The following MYO7B variants were observed in gnomAD, a reference collection of about 807,000 sequenced individuals.
MYO7B encodes the protein unconventional myosin-VIIb.
Under a neutral mutation model 259.7 loss-of-function variants are expected in MYO7B, and 212 were observed. That is an observed-to-expected ratio of 0.82 (90% CI 0.73 to 0.91). MYO7B has a LOEUF of 0.91. Among genes scored for constraint, MYO7B ranks in the 40% least tolerant of loss-of-function variants. The probability of loss-of-function intolerance (pLI) is 0.00; values close to 1 mark genes in which losing one functional copy is unlikely to be tolerated. For missense variants in MYO7B, 2,732 were observed against 2,813.5 expected (o/e 0.97, Z 0.66); for synonymous variants, 1,197 against 1,166.4 (o/e 1.03, Z -0.54).
intron 1 of MYO7B, among the ~76,000 whole-genome samples, chr2:127,550,754 A>C (rs569296612): frequency 6.6e-5 from 10 of 152,118 alleles, no homozygotes; most frequent in African/African-American, 2.4e-4. Context: ...GGAGGGTATG[A>C]AAGCTGGATG....
At chr2:127,560,679 G>A (rs1678049594) in intron 2 of MYO7B, among the ~76,000 whole-genome samples, 1 of 152,156 alleles carries the variant, frequency 6.6e-6, no homozygotes, top group South Asian at 2.1e-4. Flanking sequence ...AAACCAGCCT[G>A]TGCATCCTTC....
At chr2:127,603,254 T>C (rs139353569) in intron 19 of MYO7B, among the ~76,000 whole-genome samples, 69 of 152,362 alleles carry the variant, frequency 4.5e-4, no homozygotes, top group East Asian at 5.8e-4. Context: ...GCATCTAGAA[T>C]GGTGAAAGCT....
intron 26 of MYO7B, among the ~76,000 whole-genome samples, chr2:127,618,469 A>T (rs1258231157): frequency 6.6e-6 from 1 of 152,118 alleles, no homozygotes; most frequent in African/African-American, 2.4e-5. Context: ...ATTATTACTA[A>T]CAGGCTTCAG....
rs1022621012 is a variant in MYO7B at position 127,632,140 on chromosome 2, C to CCT, written c.5250-103_5250-102dup. On this transcript the variant is annotated intron_variant, in intron 38 of 47. Transcript: ENST00000409816. ...CTGGCAGGTGCCCTCCCCCTCGGGC[C>CCT]CTCTAGACCCCAGGCAGCTCTCACA... The CCT allele has an allele frequency of 3.0e-5, 40 of 1,341,464 alleles. No individual in the cohort carries two copies. In the African/African-American group the frequency reaches 5.3e-4, roughly 18 times the overall value. 83.1% of individuals were successfully genotyped at this position (1,341,464 alleles called of 1,614,324 possible). A position where few individuals can be genotyped will look rare whatever the true frequency, so the allele number is the denominator to read the frequency against.
chr2:127,583,948 GGA>G (rs1201396937), intron 12 of MYO7B, among the ~76,000 whole-genome samples, 172 bp from the exon 13 acceptor site: 1 of 128,286 alleles, frequency 7.8e-6, no homozygotes, highest in Non-Finnish European at 1.8e-5. Context: ...GGCAGACAGA[GGA>G]GAGAGAGTGT....
At position 127,576,584 on chromosome 2, in the gene MYO7B, C is replaced by T; in HGVS notation, c.736-11C>T. The T allele has an allele frequency of 6.5e-7, 1 of 1,534,898 alleles. No homozygotes were observed. The highest frequency in any genetic ancestry group is 9.0e-7 in the Non-Finnish European group (1 of 1,115,446). On this transcript the variant is annotated splice_polypyrimidine_tract_variant and intron_variant, in intron 7 of 47. Coordinates refer to ENST00000409816, the MANE Select transcript of MYO7B (RefSeq NM_001393586.1). This position sits in a 1 kb window ranked among gnomAD's most constrained non-coding sequence, Gnocchi z 4.9. Reference sequence around the variant, plus strand: ...CATGAATCTGTCTGGAATGCCCTCCCTCCCTCCCAGGCTCCCGAGGAGCGG... The same window carrying T: ...CATGAATCTGTCTGGAATGCCCTCCTTCCCTCCCAGGCTCCCGAGGAGCGG...
chr2:127,536,135 C>T (rs1424254558), intron 1 of MYO7B, among the ~76,000 whole-genome samples: 1 of 152,180 alleles, frequency 6.6e-6, no homozygotes, highest in Admixed American at 6.5e-5. Flanking sequence ...GCTGCTCCCA[C>T]CCTGAAGCCT....
Position 127,636,569 on chromosome 2 carries a change from G to A in MYO7B, c.6148G>A (p.Asp2050Asn). 1 of 1,612,564 alleles carries A rather than the reference G, an allele frequency of 6.2e-7. No homozygotes were observed. Among genetic ancestry groups the A allele is most frequent in the Non-Finnish European group, 8.5e-7 (1 of 1,179,346 alleles). Residue 2050 changes from aspartate (D) to asparagine (N), a missense_variant, in exon 46 of 48, where the codon GAC becomes AAC. This residue lies in a region of MYO7B where 821 missense variants were observed against 769.3 expected (regional missense o/e 1.07). Transcript: ENST00000409816. This position sits in a 1 kb window ranked among gnomAD's most constrained non-coding sequence, Gnocchi z 4.5. ...GCAAACCTCGGAGCCTTCCTACCCG[G>A]ACGTCATCCTCATCGCCATCAACCG... Reference protein sequence around the residue: ...VKQTSEPSYPDVILIAINRHG... With the variant: ...VKQTSEPSYPNVILIAINRHG...
At chr2:127,606,111 A>G (rs1026763719) in intron 20 of MYO7B, among the ~76,000 whole-genome samples, 183 bp downstream of exon 20, 1 of 152,250 alleles carries the variant, frequency 6.6e-6, no homozygotes, top group Admixed American at 6.5e-5. Flanking sequence ...GTCTCTTCTT[A>G]GCATAATCTC....
chr2:127,606,357 G>A (rs1680156921), intron 20 of MYO7B, among the ~76,000 whole-genome samples: 1 of 152,230 alleles, frequency 6.6e-6, no homozygotes, highest in East Asian at 1.9e-4. Flanking sequence ...GAGCAACCAT[G>A]GCTGTGCCTG....
intron 39 of MYO7B, 69 bp from the exon 40 acceptor site, chr2:127,633,189 C>A: frequency 8.1e-7 from 1 of 1,238,114 alleles, no homozygotes; most frequent in African/African-American, 1.5e-5. Flanking sequence ...TTAGGGCCCA[C>A]ATCGGGGCTG....
At chr2:127,612,693 CT>C (rs1189393954) in intron 26 of MYO7B, 90 bp downstream of exon 26, 38 of 1,518,788 alleles carry the variant, frequency 2.5e-5, no homozygotes, top group Non-Finnish European at 3.3e-5. Flanking sequence ...CCCACCACCC[CT>C]ATGACACCTC....
In MYO7B at chr2:127,576,701, T is replaced by C; in HGVS notation, c.842T>C (p.Leu281Pro). The C allele has an allele frequency of 6.3e-7, 1 of 1,595,266 alleles. No individual in the cohort carries two copies. Among genetic ancestry groups the C allele is most frequent in the East Asian group, 2.2e-5 (1 of 44,480 alleles). Reference protein sequence around the residue: ...SLGTPSEYHYLTMGNCTSCEG... With the variant: ...SLGTPSEYHYPTMGNCTSCEG... ...GGCACGCCCTCCGAGTACCACTACCTGACCATGGTGAGCTGCCCACCTGCC... is the reference window on the plus strand; with the variant it reads ...GGCACGCCCTCCGAGTACCACTACCCGACCATGGTGAGCTGCCCACCTGCC... The change falls in exon 8 of 48, where the codon CTG becomes CCG. Residue 281 changes from leucine to proline, a missense_variant. Physicochemically the swap from Leu to Pro is moderately conservative, Grantham distance 98. Around this residue, in one of 3 missense-constraint regions of MYO7B, gnomAD observed 1,906 missense variants for 2,026.4 expected, o/e 0.94. Transcript: ENST00000409816. The surrounding 1 kb of genome is among the most constrained non-coding windows in gnomAD (Gnocchi z 4.9).
Position 127,559,715 on chromosome 2 carries a change from G to A in MYO7B, c.-8G>A, listed in dbSNP as rs369000497. Reference sequence around the variant, plus strand: ...CTCCATACAGGCTTGTGGAACTGCTGACTCAGGATGTCGGGGTTCAGGCTG... The same window carrying A: ...CTCCATACAGGCTTGTGGAACTGCTAACTCAGGATGTCGGGGTTCAGGCTG... On this transcript the variant is annotated 5_prime_UTR_variant, in exon 2 of 48. Transcript: ENST00000409816. This position sits in a 1 kb window ranked among gnomAD's most constrained non-coding sequence, Gnocchi z 4.1. The A allele has an allele frequency of 2.5e-6, 4 of 1,613,988 alleles. No homozygotes were observed. The African/African-American group carries it at 5.3e-5, about 22-fold the overall frequency.
At chr2:127,612,678 C>T in intron 26 of MYO7B, 75 bp downstream of exon 26, 12 of 1,547,590 alleles carry the variant, frequency 7.8e-6, no homozygotes, top group Non-Finnish European at 8.7e-7. Flanking sequence ...ATGGCCACAG[C>T]CTCCCCCACC....
chr2:127,628,518 A>G lies in MYO7B; in HGVS notation c.4607A>G (p.Gln1536Arg). 1.5e-6 allele frequency: 2 copies of G among 1,292,482 alleles called. No homozygotes were observed. Among genetic ancestry groups the G allele is most frequent in the South Asian group, 1.2e-5 (1 of 80,474 alleles). The allele number at this position is 1,292,482 out of a possible 1,614,324, so 80.1% of individuals were successfully genotyped here. A position where few individuals can be genotyped will look rare whatever the true frequency, so the allele number is the denominator to read the frequency against. Residue 1536 changes from glutamine to arginine, a missense_variant, in exon 34 of 48, where the codon CAG becomes CGG. By Grantham distance (43) the Gln-to-Arg change is conservative. Around this residue, in one of 3 missense-constraint regions of MYO7B, gnomAD observed 1,906 missense variants for 2,026.4 expected, o/e 0.94. Coordinates refer to ENST00000409816, the MANE Select transcript of MYO7B (RefSeq NM_001393586.1). The surrounding 1 kb of genome is among the most constrained non-coding windows in gnomAD (Gnocchi z 4.8). ...KERSIFAMAL[Q>R]DRKATDDTTL... is the part of the protein sequence containing the mutation. Reference sequence around the variant, plus strand: ...AGGTCCATTTTCGCCATGGCCCTGCAGGACAGGAAGGCCACAGGTGCCAGA... The same window carrying G: ...AGGTCCATTTTCGCCATGGCCCTGCGGGACAGGAAGGCCACAGGTGCCAGA...
Position 127,634,667 on chromosome 2 carries a change from C to T in MYO7B, c.5697C>T (p.Asn1899=), listed in dbSNP as rs199726409. The part of the protein sequence containing the change: ...LREVSDWVKK[N]KPQKEGAPVT... The stretch of plus-strand genomic sequence containing the variant: ...AGGTGTCTGACTGGGTGAAGAAGAA[C>T]AAGCCCCAGAAAGAAGGTGAGGAGG... Residue 1899 remains asparagine (N), a synonymous_variant, in exon 42 of 48, where the codon AAC becomes AAT. Coordinates refer to ENST00000409816, the MANE Select transcript of MYO7B (RefSeq NM_001393586.1). The T allele has an allele frequency of 3.4e-3, 5,487 of 1,610,838 alleles. 21 individuals carry two copies. Among genetic ancestry groups the T allele is most frequent in the Non-Finnish European group, 3.5e-3 (4,137 of 1,179,212 alleles).
Position 127,608,751 on chromosome 2 carries a change from C to T in MYO7B, c.2687C>T (p.Ala896Val), listed in dbSNP as rs1680258358. The T allele has an allele frequency of 6.2e-7, 1 of 1,613,260 alleles. No homozygotes were observed. The highest frequency in any genetic ancestry group is 8.5e-7 in the Non-Finnish European group (1 of 1,179,746). The change falls in exon 22 of 48, where the codon GCT (alanine) becomes GTT (valine). Residue 896 changes from alanine to valine, a missense_variant. Around this residue, in one of 3 missense-constraint regions of MYO7B, gnomAD observed 1,906 missense variants for 2,026.4 expected, o/e 0.94. Coordinates refer to ENST00000409816, the MANE Select transcript of MYO7B (RefSeq NM_001393586.1). Reference sequence around the variant, plus strand: ...GCCGAGGGGCAGAAAAGCCAAGGCGCTCTCCCTGCCAAGAAGCGCAGATCC... The same window carrying T: ...GCCGAGGGGCAGAAAAGCCAAGGCGTTCTCCCTGCCAAGAAGCGCAGATCC... ...IPAEGQKSQG[A>V]LPAKKRRSIY...
chr2:127,569,257 G>A (rs1179326248), intron 5 of MYO7B, among the ~76,000 whole-genome samples: 2 of 151,936 alleles, frequency 1.3e-5, no homozygotes, highest in Non-Finnish European at 2.9e-5. Flanking sequence ...GCAACATCTG[G>A]GATTTGCTTT....
Sources: gnomAD v4.1 joint callset for allele counts (sites outside exome capture counted in the v4.1 genomes callset) on GRCh38, gnomAD v4.1.1 for gene constraint, gnomAD v4.1.1 regional missense constraint, Gnocchi (gnomAD v3.1) non-coding constraint, MANE v1.5 for transcripts, NCBI Gene and HGNC (gene_info 2026-07-23, HGNC 2026-07-21) for gene names.